The following GRID1 variants were observed in gnomAD, a reference collection of about 807,000 sequenced individuals.
GRID1 encodes the protein glutamate ionotropic receptor delta type subunit 1.
Under a neutral mutation model 98.0 loss-of-function variants are expected in GRID1, and 28 were observed. The ratio of observed to expected loss-of-function variants is 0.29; its 90% CI spans 0.21 to 0.39. The LOEUF is 0.39. GRID1 is among the 10% of genes least tolerant of loss of function. The pLI is 1.00. For missense variants in GRID1, 1,111 were observed against 1,340.5 expected (o/e 0.83, Z 2.67); for synonymous variants, 553 against 538.5 (o/e 1.03, Z -0.37).
intron 4 of GRID1, among the ~76,000 whole-genome samples, chr10:86,065,566 G>C (rs1393734209): frequency 6.6e-6 from 1 of 152,222 alleles, no homozygotes; most frequent in African/African-American, 2.4e-5. Context: ...CTAGCCAGTG[G>C]GATCTTTTGG....
chr10:86,140,547 C>A (rs1031826510), intron 3 of GRID1, among the ~76,000 whole-genome samples: 8 of 152,222 alleles, frequency 5.3e-5, no homozygotes, highest in Non-Finnish European at 1.5e-5. Context: ...TGACAGGAGC[C>A]ATCATGGGGA....
intron 8 of GRID1, among the ~76,000 whole-genome samples, chr10:85,814,091 C>A (rs1299291469): frequency 6.6e-6 from 1 of 151,852 alleles, no homozygotes; most frequent in Admixed American, 6.6e-5. Context: ...ATAAACCCAA[C>A]TCTATCAATA....
chr10:85,650,775 A>T (rs1843257970), intron 12 of GRID1, among the ~76,000 whole-genome samples: 1 of 152,178 alleles, frequency 6.6e-6, no homozygotes, highest in South Asian at 2.1e-4. Context: ...CCTGGAAGAG[A>T]AGATATTACC....
At chr10:86,089,289 T>G (rs1206495772) in intron 4 of GRID1, among the ~76,000 whole-genome samples, 1 of 152,150 alleles carries the variant, frequency 6.6e-6, no homozygotes, top group Non-Finnish European at 1.5e-5. Context: ...GTGGCTTCAG[T>G]AGGGAGCCAG....
At chr10:86,117,533 C>G (rs993305901) in intron 4 of GRID1, among the ~76,000 whole-genome samples, 1 of 151,722 alleles carries the variant, frequency 6.6e-6, no homozygotes, top group Non-Finnish European at 1.5e-5. Context: ...ATCACTATCA[C>G]CACTACCATC....
intron 4 of GRID1, among the ~76,000 whole-genome samples, chr10:86,018,260 A>G (rs1214788654): frequency 6.6e-6 from 1 of 152,190 alleles, no homozygotes; most frequent in Non-Finnish European, 1.5e-5. Flanking sequence ...CATGAGCCAC[A>G]ACCAAACCCT....
At chr10:85,801,594 T>C (rs1294088955) in intron 8 of GRID1, among the ~76,000 whole-genome samples, 1 of 151,742 alleles carries the variant, frequency 6.6e-6, no homozygotes, top group Non-Finnish European at 1.5e-5. Context: ...AAACTTTCCA[T>C]AATATTTAAT....
chr10:86,228,474 A>T (rs1846393564), intron 2 of GRID1, among the ~76,000 whole-genome samples: 1 of 152,146 alleles, frequency 6.6e-6, no homozygotes, highest in African/African-American at 2.4e-5. Flanking sequence ...AGCTTTGCGC[A>T]GCCTGCAGCC....
chr10:85,643,946 C>T (rs988289051), intron 13 of GRID1: 7 of 152,114 alleles, frequency 4.6e-5, no homozygotes, highest in African/African-American at 1.7e-4. Context: ...TAAATATCAC[C>T]AGACGGTGAG....
At chr10:85,667,116 T>C (rs1174531473) in intron 12 of GRID1, among the ~76,000 whole-genome samples, 5 of 152,140 alleles carry the variant, frequency 3.3e-5, no homozygotes, top group Non-Finnish European at 7.3e-5. Flanking sequence ...AGCAAAGTAG[T>C]GAAGACCTCG....
intron 4 of GRID1, among the ~76,000 whole-genome samples, chr10:85,936,663 T>C (rs1432619960): frequency 1.3e-5 from 2 of 152,204 alleles, no homozygotes; most frequent in Admixed American, 6.5e-5. Context: ...CAGAGGGCAA[T>C]GTTAAGAGCT....
intron 4 of GRID1, among the ~76,000 whole-genome samples, chr10:86,112,137 G>C (rs1844497085): frequency 6.6e-6 from 1 of 152,148 alleles, no homozygotes; most frequent in Non-Finnish European, 1.5e-5. Context: ...TGAGGACACA[G>C]CACCTCATCC....
intron 8 of GRID1, among the ~76,000 whole-genome samples, chr10:85,810,320 G>A (rs1842659963): frequency 6.6e-6 from 1 of 152,114 alleles, no homozygotes; most frequent in Non-Finnish European, 1.5e-5. Flanking sequence ...TCAGAGCCTG[G>A]GCCCAGGAAT....
At chr10:85,823,696 A>T (rs1200777021) in intron 8 of GRID1, among the ~76,000 whole-genome samples, 1 of 152,140 alleles carries the variant, frequency 6.6e-6, no homozygotes, top group African/African-American at 2.4e-5. Context: ...ATACAGTAAG[A>T]CTACTGAAAA....
At chr10:85,714,790 A>G (rs1841619614) in intron 12 of GRID1, among the ~76,000 whole-genome samples, 1 of 152,116 alleles carries the variant, frequency 6.6e-6, no homozygotes, top group Admixed American at 6.5e-5. Context: ...GATTGGAAAA[A>G]TTAATACTAT....
chr10:85,678,998 G>A (rs1250041991), intron 12 of GRID1, among the ~76,000 whole-genome samples: 1 of 152,140 alleles, frequency 6.6e-6, no homozygotes, highest in African/African-American at 2.4e-5. Flanking sequence ...ACATAAAACA[G>A]ACTCTCAAAC....
At chr10:86,342,592 C>T (rs1278851769) in intron 2 of GRID1, among the ~76,000 whole-genome samples, 1 of 152,216 alleles carries the variant, frequency 6.6e-6, no homozygotes, top group Non-Finnish European at 1.5e-5. Flanking sequence ...GCCCCCAGGA[C>T]GGAGTGGGAA....
intron 4 of GRID1, among the ~76,000 whole-genome samples, chr10:85,931,963 C>T (rs1841856047): frequency 1.3e-5 from 2 of 152,186 alleles, no homozygotes; most frequent in South Asian, 4.1e-4. Context: ...GAAGAGAGCA[C>T]TCCAGCCGCT....
rs565810107 is a variant in GRID1 at position 85,824,567 on chromosome 10, T to A, written c.1233+29929A>T. Among the ~76,000 whole-genome samples the A allele has an allele frequency of 1.1e-4, 16 of 152,320 alleles. No homozygotes were observed. In the South Asian group the frequency reaches 2.9e-3, roughly 28 times the overall value. ...ACATTTTTGAAAATTGCAATAGCTT[T>A]TCAGGTACAAGTGGTTTCTGGTTAC... On this transcript the variant is annotated intron_variant, in intron 8 of 15. Transcript: ENST00000327946.
Sources: allele counts gnomAD v4.1 joint callset (sites outside exome capture counted in the v4.1 genomes callset), GRCh38; gene constraint gnomAD v4.1.1; transcripts MANE v1.5; gene names NCBI Gene and HGNC (gene_info 2026-07-23, HGNC 2026-07-21).